The following RPL14 variants were observed in gnomAD, a reference collection of about 807,000 sequenced individuals.
RPL14 encodes large ribosomal subunit protein eL14.
A neutral mutation model predicts 25.3 loss-of-function variants in RPL14; 4 were observed. The observed-to-expected ratio is 0.16, with a 90% CI of 0.08 to 0.36. The LOEUF (loss-of-function observed/expected upper bound fraction) is 0.36. RPL14 is among the 10% of genes least tolerant of loss of function. The pLI is 1.00. For synonymous variants in RPL14, 75 were observed against 89.8 expected, an observed-to-expected ratio of 0.84 and a Z score of 0.93; for missense variants, 212 against 261.9, an observed-to-expected ratio of 0.81 and a Z score of 1.31.
In RPL14 at chr3:40,462,012, C is replaced by G; in HGVS notation, c.428C>G (p.Ala143Gly). ...AALLKASPKKAPGTKGTAAAA... is the reference protein window; with the variant it reads ...AALLKASPKKGPGTKGTAAAA... The stretch of plus-strand genomic sequence containing the variant: ...CTCCTGAAAGCTTCTCCCAAAAAAG[C>G]ACCTGGTACTAAGGGTACTGCTGCT... Residue 143 changes from alanine to glycine, a missense_variant, in exon 6 of 6, where the codon GCA becomes GGA. Transcript: ENST00000396203. 3 of 1,241,384 alleles carry G rather than the reference C, an allele frequency of 2.4e-6. No homozygotes were observed. Among genetic ancestry groups the G allele is most frequent in the Non-Finnish European group, 3.3e-6 (3 of 895,686 alleles). The allele number at this position is 1,241,384 out of a possible 1,614,324, so 76.9% of individuals were successfully genotyped here.
Position 40,458,731 on chromosome 3 carries a change from G to T in RPL14, c.195G>T (p.Pro65=), listed in dbSNP as rs749845440. The part of the protein sequence containing the change: ...MQLTDFILKF[P]HSAHQKYVRQ... ...TCACTGATTTCATCCTCAAGTTTCC[G>T]CACAGGTAACTGTCCACTAATCACT... Residue 65 remains proline (P), a synonymous_variant, in exon 3 of 6, where the codon CCG becomes CCT. Transcript: ENST00000396203. 2 of 1,612,762 alleles carry T rather than the reference G, an allele frequency of 1.2e-6. No individual in the cohort carries two copies. The highest frequency in any genetic ancestry group is 2.7e-5 in the African/African-American group (2 of 74,984).
chr3:40,464,445 C>G lies in RPL14; in HGVS notation c.*2213C>G, dbSNP rs768158342. 4.4e-6 allele frequency: 2 copies of G among 455,860 alleles called. No individual in the cohort carries two copies. Among genetic ancestry groups the G allele is most frequent in the South Asian group, 3.1e-5 (2 of 64,538 alleles). 28.2% of individuals were successfully genotyped at this position (455,860 alleles called of 1,614,324 possible). On this transcript the variant is annotated 3_prime_UTR_variant, in exon 6 of 6. Coordinates refer to ENST00000396203, the MANE Select transcript of RPL14 (RefSeq NM_001034996.3). ...GTAGAGAATTGTCTAGAGAAAGTGG[C>G]ATCTATACCTAAAATAAGAAGAAGG...
In RPL14 at chr3:40,457,347, C is replaced by A. The variant is rs1394472847; in HGVS notation, c.-125C>A. 1 of 1,605,304 alleles carries A rather than the reference C, an allele frequency of 6.2e-7. No homozygotes were observed. The highest frequency in any genetic ancestry group is 1.1e-5 in the South Asian group (1 of 90,476). On this transcript the variant is annotated 5_prime_UTR_variant, in exon 1 of 6. Transcript: ENST00000396203. Reference sequence around the variant, plus strand: ...TTGGGCGGGTCTTCTTCCTTCTCGCCTAACGCCGCCAACATGGTGAGTCTT... The same window carrying A: ...TTGGGCGGGTCTTCTTCCTTCTCGCATAACGCCGCCAACATGGTGAGTCTT...
intron 2 of RPL14, chr3:40,458,358 G>A (rs1425300230): frequency 7.7e-6 from 4 of 517,276 alleles, no homozygotes; most frequent in Admixed American, 3.5e-5. Flanking sequence ...AAATCAGCAG[G>A]GATCAGAGTC....
At chr3:40,458,967 A>C (rs1696886393) in intron 3 of RPL14, 1 of 459,028 alleles carries the variant, frequency 2.2e-6, no homozygotes. Flanking sequence ...CTTGAGCCCA[A>C]GTTTCAAGAC....
chr3:40,460,390 C>T (rs1696918235), intron 3 of RPL14, among the ~76,000 whole-genome samples: 1 of 151,934 alleles, frequency 6.6e-6, no homozygotes, highest in South Asian at 2.1e-4. Flanking sequence ...TGGTAGTGTA[C>T]TCCTGTAGCC....
Position 40,465,352 on chromosome 3 carries a change from A to G in RPL14, c.*3120A>G, listed in dbSNP as rs904679904. 4 of 152,220 alleles carry G rather than the reference A, an allele frequency of 2.6e-5. No homozygotes were observed. Among genetic ancestry groups the G allele is most frequent in the South Asian group, 2.1e-4 (1 of 4,824 alleles). 9.4% of individuals were successfully genotyped at this position (152,220 alleles called of 1,614,324 possible). On this transcript the variant is annotated 3_prime_UTR_variant, in exon 6 of 6. Transcript: ENST00000396203. ...AAATCTGGAGTGATGGGCATGTTCA[A>G]ATGCTTCTGGGAAAGGAGCTAATAG... is the stretch of plus-strand genomic sequence containing the variant.
chr3:40,459,783 C>T (rs146144559), intron 3 of RPL14, among the ~76,000 whole-genome samples: 8 of 133,660 alleles, frequency 6.0e-5, no homozygotes, highest in African/African-American at 1.4e-4. Context: ...GGCGTGAGCC[C>T]GGGAGGCGGA....
rs146557563 is a variant in RPL14 at position 40,464,619 on chromosome 3, A to G, written c.*2387A>G. The stretch of plus-strand genomic sequence containing the variant: ...ACTGAGGGTTTTTTAAAATGGCGTG[A>G]TATCTCAGATTTAGATCATTGAACT... On this transcript the variant is annotated 3_prime_UTR_variant, in exon 6 of 6. Coordinates refer to ENST00000396203, the MANE Select transcript of RPL14 (RefSeq NM_001034996.3). 4.6e-6 allele frequency: 2 copies of G among 434,836 alleles called. No individual in the cohort carries two copies. The highest frequency in any genetic ancestry group is 7.0e-5 in the East Asian group (1 of 14,200). 26.9% of individuals were successfully genotyped at this position (434,836 alleles called of 1,614,324 possible).
chr3:40,462,964 G>A lies in RPL14; in HGVS notation c.*732G>A, dbSNP rs1696970739. On this transcript the variant is annotated 3_prime_UTR_variant, in exon 6 of 6. Coordinates refer to ENST00000396203, the MANE Select transcript of RPL14 (RefSeq NM_001034996.3). ...TTTGGAGACAGAGTCTTGCTGTGTT[G>A]CCCAGGCTGGAGTGCAGTGGTGCGA... is the stretch of plus-strand genomic sequence containing the variant. 1 of 150,804 alleles carries A rather than the reference G, an allele frequency of 6.6e-6. No individual in the cohort carries two copies. The highest frequency in any genetic ancestry group is 2.5e-5 in the African/African-American group (1 of 40,816). 9.3% of individuals were successfully genotyped at this position (150,804 alleles called of 1,614,324 possible). A position where few individuals can be genotyped will look rare whatever the true frequency, so the allele number is the denominator to read the frequency against.
In RPL14 at chr3:40,462,534, G is replaced by A. The variant is rs896689528; in HGVS notation, c.*302G>A. 4.5e-6 allele frequency: 1 copy of A among 221,456 alleles called. No individual in the cohort carries two copies. Among genetic ancestry groups the A allele is most frequent in the Non-Finnish European group, 8.8e-6 (1 of 113,168 alleles). The allele number at this position is 221,456 out of a possible 1,614,324, so 13.7% of individuals were successfully genotyped here. A position where few individuals can be genotyped will look rare whatever the true frequency, so the allele number is the denominator to read the frequency against. ...TGGGACTACAGGTGCCCGCCACCGC[G>A]CCTGGCTAATTTTTTGTATTTTTAG... On this transcript the variant is annotated 3_prime_UTR_variant, in exon 6 of 6. Transcript: ENST00000396203.
Position 40,466,997 on chromosome 3 carries a change from C to A in RPL14, c.*4765C>A. 6.6e-6 allele frequency: 1 copy of A among 152,166 alleles called. No individual in the cohort carries two copies. Among genetic ancestry groups the A allele is most frequent in the South Asian group, 2.1e-4 (1 of 4,828 alleles). 9.4% of individuals were successfully genotyped at this position (152,166 alleles called of 1,614,324 possible). ...CTAGGCTAAATCATGAATACATTTA[C>A]ATTTAAATAAAATATTACAGTTGAA... On this transcript the variant is annotated 3_prime_UTR_variant, in exon 6 of 6. Coordinates refer to ENST00000396203, the MANE Select transcript of RPL14 (RefSeq NM_001034996.3).
intron 3 of RPL14, 47 bp from the exon 4 acceptor site, chr3:40,461,360 G>A (rs1260038458): frequency 4.0e-6 from 6 of 1,494,162 alleles, no homozygotes; most frequent in Non-Finnish European, 5.6e-6. Flanking sequence ...TTGATAATGA[G>A]TGACTTCAAA....
chr3:40,457,756 C>T (rs1288000831), intron 1 of RPL14, 134 bp from the exon 2 acceptor site: 10 of 871,596 alleles, frequency 1.1e-5, no homozygotes, highest in South Asian at 7.9e-5. Context: ...AGGTTGGCGC[C>T]TGGCTCTCGG....
Position 40,463,207 on chromosome 3 carries a change from C to T in RPL14, c.*975C>T, listed in dbSNP as rs1015544579. 6.6e-6 allele frequency: 1 copy of T among 151,500 alleles called. No homozygotes were observed. The highest frequency in any genetic ancestry group is 2.4e-5 in the African/African-American group (1 of 41,156). The allele number at this position is 151,500 out of a possible 1,614,324, so 9.4% of individuals were successfully genotyped here. A position where few individuals can be genotyped will look rare whatever the true frequency, so the allele number is the denominator to read the frequency against. ...TATAGGCATGGGCCACTGCACTTGGCCTTTTTTTGTTTTTTTGAGACAGAG... is the reference window on the plus strand; with the variant it reads ...TATAGGCATGGGCCACTGCACTTGGTCTTTTTTTGTTTTTTTGAGACAGAG... On this transcript the variant is annotated 3_prime_UTR_variant, in exon 6 of 6. Coordinates refer to ENST00000396203, the MANE Select transcript of RPL14 (RefSeq NM_001034996.3).
Position 40,463,817 on chromosome 3 carries a change from C to T in RPL14, c.*1585C>T, listed in dbSNP as rs1201454918. On this transcript the variant is annotated 3_prime_UTR_variant, in exon 6 of 6. Transcript: ENST00000396203. ...TGCACTTAACTCCAACATCAGAACA[C>T]ATCTCGTCCTAAGTGTTTCAGATAA... is the stretch of plus-strand genomic sequence containing the variant. 6.6e-6 allele frequency: 1 copy of T among 152,582 alleles called. No individual in the cohort carries two copies. The highest frequency in any genetic ancestry group is 1.5e-5 in the Non-Finnish European group (1 of 68,342). The allele number at this position is 152,582 out of a possible 1,614,324, so 9.5% of individuals were successfully genotyped here.
In RPL14 at chr3:40,466,804, G is replaced by C. The variant is rs1559530605; in HGVS notation, c.*4572G>C. ...TAACCTGGCGGTATAGGCAAAATTT[G>C]GAAGTTTGGTTTTCAGAAAGTCTTG... On this transcript the variant is annotated 3_prime_UTR_variant, in exon 6 of 6. Coordinates refer to ENST00000396203, the MANE Select transcript of RPL14 (RefSeq NM_001034996.3). The C allele has an allele frequency of 6.6e-6, 1 of 152,168 alleles. No homozygotes were observed. The allele number at this position is 152,168 out of a possible 1,614,324, so 9.4% of individuals were successfully genotyped here.
rs35229215 is a variant in RPL14 at position 40,462,373 on chromosome 3, C to CTTTTT, written c.*158_*162dup. 1,748 of 331,582 alleles carry CTTTTT rather than the reference C, an allele frequency of 5.3e-3. 5 individuals are homozygous for CTTTTT. The highest frequency in any genetic ancestry group is 0.011 in the South Asian group (285 of 26,726). 20.5% of individuals were successfully genotyped at this position (331,582 alleles called of 1,614,324 possible). On this transcript the variant is annotated 3_prime_UTR_variant, in exon 6 of 6. Transcript: ENST00000396203. Reference sequence around the variant, plus strand: ...ATAATAAACATTAAATAATCAGTTCCTTTTTTTTTTTTTTTTTTTTTGAGA... The same window carrying CTTTTT: ...ATAATAAACATTAAATAATCAGTTCCTTTTTTTTTTTTTTTTTTTTTTTTTTGAGA...
intron 3 of RPL14, chr3:40,458,991 A>G (rs1696886982): frequency 9.9e-6 from 4 of 404,900 alleles, no homozygotes; most frequent in Middle Eastern, 4.7e-4. Flanking sequence ...CATGGGCAAC[A>G]TGGCGAAAAC....
Sources: gnomAD v4.1 joint callset for allele counts (sites outside exome capture counted in the v4.1 genomes callset) on GRCh38, gnomAD v4.1.1 for gene constraint, MANE v1.5 for transcripts, NCBI Gene and HGNC (gene_info 2026-07-23, HGNC 2026-07-21) for gene names.